DAB1: variants seen among roughly 807,000 people sequenced by gnomAD.
DAB1 encodes the protein disabled homolog 1.
Under a neutral mutation model 64.6 loss-of-function variants are expected in DAB1, and 15 were observed. The observed-to-expected ratio is 0.23, with a 90% confidence interval of 0.16 to 0.36. The LOEUF (loss-of-function observed/expected upper bound fraction) is 0.36, where lower values mean the gene tolerates loss of function less well. Ranked by LOEUF, DAB1 falls within the 10% of genes least tolerant of loss-of-function variation. DAB1 has a pLI of 1.00. For missense variants in DAB1, 596 were observed against 706.7 expected (o/e 0.84, Z 1.78); for synonymous variants, 235 against 251.9 (o/e 0.93, Z 0.64).
intron 14 of DAB1, among the ~76,000 whole-genome samples, chr1:57,010,167 ATGCAGTGACATTT>A (rs1646219954): frequency 6.6e-6 from 1 of 152,122 alleles, no homozygotes; most frequent in South Asian, 2.1e-4. Flanking sequence ...CTGTAGGCAA[ATGCAGTGACATTT>A]TGCTTAAAAG....
chr1:57,835,421 A>C (rs2101908871), intron 1 of DAB1, among the ~76,000 whole-genome samples: 1 of 152,282 alleles, frequency 6.6e-6, no homozygotes, highest in East Asian at 1.9e-4. Context: ...ATGTCATATA[A>C]CAAAGGAGAC....
At chr1:57,841,610 T>C (rs1653052858) in intron 1 of DAB1, among the ~76,000 whole-genome samples, 1 of 152,238 alleles carries the variant, frequency 6.6e-6, no homozygotes. Flanking sequence ...GCTTGGGGCT[T>C]GCACCCTCTG....
intron 4 of DAB1, among the ~76,000 whole-genome samples, chr1:58,170,821 C>A (rs1299202929): frequency 3.3e-5 from 5 of 152,186 alleles, no homozygotes; most frequent in African/African-American, 1.2e-4. Context: ...ACCAGATGAT[C>A]CAACAACAGG....
intron 9 of DAB1, among the ~76,000 whole-genome samples, chr1:57,050,504 T>C (rs183181173): frequency 2.0e-5 from 3 of 152,352 alleles, no homozygotes; most frequent in Admixed American, 2.0e-4. Flanking sequence ...CCGTGTGACA[T>C]GACAGGCTCT....
intron 5 of DAB1, among the ~76,000 whole-genome samples, chr1:57,893,348 G>C (rs1644346063): frequency 6.6e-6 from 1 of 152,082 alleles, no homozygotes; most frequent in Non-Finnish European, 1.5e-5. Context: ...CAGAAATCAT[G>C]TAAGTTAGCA....
chr1:57,070,510 C>G (rs1409403276), intron 7 of DAB1, among the ~76,000 whole-genome samples: 1 of 152,232 alleles, frequency 6.6e-6, no homozygotes, highest in African/African-American at 2.4e-5. Context: ...TTTCCTTCCT[C>G]CCAACAGCTC....
At chr1:57,353,113 A>T (rs932911298) in intron 1 of DAB1, among the ~76,000 whole-genome samples, 3 of 92,534 alleles carry the variant, frequency 3.2e-5, no homozygotes, top group African/African-American at 1.4e-4. Context: ...ATTTTTTTCC[A>T]TACACACACA....
chr1:58,301,802 A>G (rs1662176779), intron 4 of DAB1, among the ~76,000 whole-genome samples: 1 of 152,160 alleles, frequency 6.6e-6, no homozygotes, highest in Admixed American at 6.5e-5. Context: ...TTGGACAAAA[A>G]CGGTTAATCT....
chr1:57,448,151 A>ATAAT (rs1686219044), intron 7 of DAB1, among the ~76,000 whole-genome samples: 1 of 152,222 alleles, frequency 6.6e-6, no homozygotes, highest in South Asian at 2.1e-4. Context: ...GTATTCTTAG[A>ATAAT]TAATTAGGAA....
intron 7 of DAB1, among the ~76,000 whole-genome samples, chr1:57,467,245 T>C (rs562912669): frequency 6.6e-6 from 1 of 152,302 alleles, no homozygotes; most frequent in African/African-American, 2.4e-5. Flanking sequence ...AATCTGAATG[T>C]AACCAGTCTA....
chr1:57,816,678 C>A (rs1365851228), intron 6 of DAB1, among the ~76,000 whole-genome samples: 1 of 152,148 alleles, frequency 6.6e-6, no homozygotes, highest in Non-Finnish European at 1.5e-5. Context: ...CTGTGAGTTG[C>A]CGTCATAAAA....
At chr1:58,026,470 T>C (rs1010215637) in intron 5 of DAB1, among the ~76,000 whole-genome samples, 7 of 152,190 alleles carry the variant, frequency 4.6e-5, no homozygotes, top group African/African-American at 1.4e-4. Context: ...GGGGATTAAC[T>C]ATGCTAAGAA....
intron 2 of DAB1, among the ~76,000 whole-genome samples, chr1:57,289,216 A>G (rs1263635074): frequency 1.3e-5 from 2 of 152,228 alleles, no homozygotes; most frequent in East Asian, 1.9e-4. Context: ...TCTGCAGAAT[A>G]CTTCTGGTTT....
intron 7 of DAB1, among the ~76,000 whole-genome samples, chr1:57,591,274 G>A (rs1460217424): frequency 6.6e-6 from 1 of 152,180 alleles, no homozygotes; most frequent in Non-Finnish European, 1.5e-5. Flanking sequence ...TCTGAATAAT[G>A]AGGAAAACAA....
chr1:57,633,263 C>A (rs2101630848), intron 7 of DAB1, among the ~76,000 whole-genome samples: 1 of 152,340 alleles, frequency 6.6e-6, no homozygotes, highest in South Asian at 2.1e-4. Context: ...TTCAGGAATT[C>A]TCAAACTTGA....
intron 5 of DAB1, among the ~76,000 whole-genome samples, chr1:58,077,347 A>T (rs1383218168): frequency 6.6e-6 from 1 of 152,204 alleles, no homozygotes; most frequent in Admixed American, 6.5e-5. Flanking sequence ...TGGCGGTTTC[A>T]CATCAGTGGA....
chr1:57,503,118 G>A (rs548779708), intron 7 of DAB1, among the ~76,000 whole-genome samples: 10 of 152,160 alleles, frequency 6.6e-5, no homozygotes, highest in Admixed American at 1.3e-4. Context: ...GCTTCCTCTT[G>A]CAGATGAATG....
chr1:57,541,941 C>T (rs1185030530), intron 7 of DAB1, among the ~76,000 whole-genome samples: 7 of 146,508 alleles, frequency 4.8e-5, no homozygotes, highest in African/African-American at 1.8e-4. Context: ...GGGGGCTGTG[C>T]AAGAGTGAAC....
chr1:57,469,406 G>C (rs1399871879), intron 7 of DAB1, among the ~76,000 whole-genome samples: 1 of 152,076 alleles, frequency 6.6e-6, no homozygotes, highest in African/African-American at 2.4e-5. Context: ...ACAGAAAAAG[G>C]AGAAAAAAGT....
Sources: allele counts gnomAD v4.1 joint callset (sites outside exome capture counted in the v4.1 genomes callset), GRCh38; gene constraint gnomAD v4.1.1; transcripts MANE v1.5; gene names NCBI Gene and HGNC (gene_info 2026-07-23, HGNC 2026-07-21).